The following XKR3 variants were observed in gnomAD, a reference collection of about 807,000 sequenced individuals.
The protein encoded by XKR3 is XK related 3.
In XKR3, 27 loss-of-function variants were observed where a neutral mutation model predicts 40.3. That is an observed-to-expected ratio of 0.67 (90% CI 0.49 to 0.92). The LOEUF (loss-of-function observed/expected upper bound fraction) is 0.92, where lower values mean the gene tolerates loss of function less well. Ranked by LOEUF, XKR3 falls within the 40% of genes least tolerant of loss-of-function variation. The probability of loss-of-function intolerance (pLI) is 0.00; values close to 1 mark genes in which losing one functional copy is unlikely to be tolerated. For synonymous variants in XKR3, 193 were observed against 195.4 expected (o/e 0.99, Z 0.10); for missense variants, 472 against 537.6 (o/e 0.88, Z 1.21).
rs2060083998 is a variant in XKR3 at position 16,785,056 on chromosome 22, G to A, written c.590-647C>T. On this transcript the variant is annotated intron_variant, in intron 3 of 3. Coordinates refer to ENST00000684488, the MANE Select transcript of XKR3 (RefSeq NM_001386955.1). ...TGTGTGGCCGGGCGCGGTGGCTCAC[G>A]CCTGTAATCCCAGCACTTTAGGAGG... Among the ~76,000 whole-genome samples, 24 of 152,312 alleles carry A rather than the reference G, an allele frequency of 1.6e-4. No homozygotes were observed. In the South Asian group the frequency reaches 5.0e-3, roughly 32 times the overall value.
chr22:16,802,710 G>A (rs192163826), intron 2 of XKR3, among the ~76,000 whole-genome samples: 14 of 152,068 alleles, frequency 9.2e-5, no homozygotes, highest in Admixed American at 6.6e-4. Flanking sequence ...GGATGGTCTC[G>A]ATCTCTTGAC....
chr22:16,800,846 AAAT>A (rs1385969205), intron 2 of XKR3, among the ~76,000 whole-genome samples: 1 of 152,212 alleles, frequency 6.6e-6, no homozygotes, highest in East Asian at 1.9e-4. Flanking sequence ...CTTTTTGAAG[AAAT>A]AATGGAGTAC....
At chr22:16,814,731 T>C (rs960934630) in intron 1 of XKR3, among the ~76,000 whole-genome samples, 1 of 152,148 alleles carries the variant, frequency 6.6e-6, no homozygotes, top group Non-Finnish European at 1.5e-5. Context: ...CTTTGTGAAA[T>C]GTTTTTCTTA....
At position 16,799,992 on chromosome 22, in the gene XKR3, C is replaced by G. The variant is rs148299520; in HGVS notation, c.368G>C (p.Trp123Ser). Reference sequence around the variant, plus strand: ...CTTCTCCTGTTTAAGATTTTTCAACCATTTGTGGTAATTTCTAATGGTGTG... The same window carrying G: ...CTTCTCCTGTTTAAGATTTTTCAACGATTTGTGGTAATTTCTAATGGTGTG... The part of the protein sequence containing the change: ...CLHTIRNYHK[W>S]LKNLKQEKEE... Residue 123 changes from tryptophan (W) to serine (S), a missense_variant, in exon 3 of 4, where the codon TGG becomes TCG. Physicochemically the swap from Trp to Ser is radical, Grantham distance 177. Coordinates refer to ENST00000684488, the MANE Select transcript of XKR3 (RefSeq NM_001386955.1). 1 of 1,614,050 alleles carries G rather than the reference C, an allele frequency of 6.2e-7. No homozygotes were observed. The highest frequency in any genetic ancestry group is 1.1e-5 in the South Asian group (1 of 91,070).
intron 3 of XKR3, among the ~76,000 whole-genome samples, chr22:16,789,664 A>T (rs2060105498): frequency 6.6e-6 from 1 of 152,212 alleles, no homozygotes; most frequent in African/African-American, 2.4e-5. Flanking sequence ...ACAGAAATAG[A>T]AAGAAATTCA....
chr22:16,818,824 C>A (rs2146180268), intron 1 of XKR3, among the ~76,000 whole-genome samples: 1 of 152,134 alleles, frequency 6.6e-6, no homozygotes, highest in East Asian at 1.9e-4. Flanking sequence ...GTTAAAGAGC[C>A]AGATCTAAGT....
At chr22:16,796,302 T>TATA (rs768881917) in intron 3 of XKR3, among the ~76,000 whole-genome samples, 34 of 152,164 alleles carry the variant, frequency 2.2e-4, no homozygotes, top group Non-Finnish European at 1.6e-4. Flanking sequence ...ACAACGCTAT[T>TATA]ATAATTCAAA....
At chr22:16,788,903 T>C (rs2060102649) in intron 3 of XKR3, among the ~76,000 whole-genome samples, 9 of 152,156 alleles carry the variant, frequency 5.9e-5, no homozygotes. Flanking sequence ...TAGGTGGTCA[T>C]TTCAATAAAT....
chr22:16,784,316 A>G lies in XKR3; in HGVS notation c.683T>C (p.Ile228Thr). 1 of 1,614,224 alleles carries G rather than the reference A, an allele frequency of 6.2e-7. No homozygotes were observed. The highest frequency in any genetic ancestry group is 1.1e-5 in the South Asian group (1 of 91,088). The change falls in exon 4 of 4, where the codon ATT becomes ACT. Residue 228 changes from isoleucine to threonine, a missense_variant. Transcript: ENST00000684488. ...AIQISNDDTT[I>T]KLPPIEFFCV... is the part of the protein sequence containing the mutation. ...GAAGAATTCTATCGGCGGTAGCTTA[A>G]TGGTAGTATCATCATTGCTGATCTG...
At chr22:16,794,127 T>G (rs1401807331) in intron 3 of XKR3, among the ~76,000 whole-genome samples, 1 of 152,092 alleles carries the variant, frequency 6.6e-6, no homozygotes, top group East Asian at 1.9e-4. Flanking sequence ...GAAAAATAAA[T>G]TTGAGGAGAC....
chr22:16,797,144 C>A (rs1287766406), intron 3 of XKR3, among the ~76,000 whole-genome samples: 1 of 152,134 alleles, frequency 6.6e-6, no homozygotes, highest in Non-Finnish European at 1.5e-5. Flanking sequence ...TGAACTCCTA[C>A]CTTTCACCAT....
At chr22:16,813,968 T>C (rs756476209) in intron 1 of XKR3, among the ~76,000 whole-genome samples, 24 of 152,250 alleles carry the variant, frequency 1.6e-4, no homozygotes, top group Non-Finnish European at 3.4e-4. Context: ...GCTCTAGATA[T>C]GATGTGACAA....
intron 1 of XKR3, among the ~76,000 whole-genome samples, chr22:16,811,134 T>C (rs1389948260): frequency 2.6e-5 from 4 of 151,638 alleles, no homozygotes; most frequent in Admixed American, 1.3e-4. Context: ...TTTTTTTTTT[T>C]TTAATAGGAA....
At chr22:16,787,322 G>A (rs1357179315) in intron 3 of XKR3, among the ~76,000 whole-genome samples, 1 of 152,090 alleles carries the variant, frequency 6.6e-6, no homozygotes, top group African/African-American at 2.4e-5. Context: ...TATTTGGGAG[G>A]CGGAGGCGGG....
At position 16,792,941 on chromosome 22, in the gene XKR3, C is replaced by T. The variant is rs542932688; in HGVS notation, c.589+6830G>A. Among the ~76,000 whole-genome samples, 104 of 152,344 alleles carry T rather than the reference C, an allele frequency of 6.8e-4. 1 individual carries two copies. Among genetic ancestry groups the T allele is most frequent in the African/African-American group, 2.2e-3 (92 of 41,574 alleles). On this transcript the variant is annotated intron_variant, in intron 3 of 3. Coordinates refer to ENST00000684488, the MANE Select transcript of XKR3 (RefSeq NM_001386955.1). ...GCGTCTGGTTCAACTAGTTATCTTC[C>T]TATTCACGTATACTTGAATGGCATA...
Position 16,799,817 on chromosome 22 carries a change from CA to C in XKR3, c.542del (p.Leu181CysfsTer14). On this transcript the variant is annotated frameshift_variant, in exon 3 of 4. Transcript: ENST00000684488. LOFTEE classifies it high-confidence loss of function. Reference protein sequence around the residue: ...AFLGSVPQLILQMYISLTIRE... With the variant: ...AFLGSVPQLIXQMYISLTIRE... ...GTATAGTGAGACTGATATACATCTG[CA>C]AAATTAATTGTGGAACAGAACCGAG... 6.2e-7 allele frequency: 1 copy of C among 1,614,062 alleles called. No homozygotes were observed. The highest frequency in any genetic ancestry group is 8.5e-7 in the Non-Finnish European group (1 of 1,179,982).
chr22:16,806,298 C>T (rs1192166568), intron 2 of XKR3, among the ~76,000 whole-genome samples: 1 of 35,498 alleles, frequency 2.8e-5, no homozygotes, highest in Admixed American at 2.3e-4. Context: ...TCAATACTTT[C>T]TTATTTAGCT....
At chr22:16,814,474 A>G (rs1418573876) in intron 1 of XKR3, among the ~76,000 whole-genome samples, 2 of 152,194 alleles carry the variant, frequency 1.3e-5, no homozygotes, top group Non-Finnish European at 2.9e-5. Context: ...ATGAAAGTCC[A>G]TAAGAATAGT....
At chr22:16,822,819 A>G (rs1025056813) in intron 1 of XKR3, among the ~76,000 whole-genome samples, 4 of 152,178 alleles carry the variant, frequency 2.6e-5, no homozygotes, top group Non-Finnish European at 5.9e-5. Flanking sequence ...AAATGTCCAC[A>G]TTGCTAACAA....
Sources: allele counts gnomAD v4.1 joint callset (sites outside exome capture counted in the v4.1 genomes callset), GRCh38; gene constraint gnomAD v4.1.1; transcripts MANE v1.5; gene names NCBI Gene and HGNC (gene_info 2026-07-23, HGNC 2026-07-21).